The following RPH3A variants were observed in gnomAD, a reference collection of about 807,000 sequenced individuals.
RPH3A encodes rabphilin-3A.
RPH3A carries 48 observed loss-of-function variants against 102.2 expected under a neutral mutation model. The ratio of observed to expected loss-of-function variants is 0.47; its 90% confidence interval spans 0.37 to 0.60. The LOEUF is 0.60. RPH3A is among the 20% of genes least tolerant of loss of function. RPH3A has a pLI of 0.00. For missense variants in RPH3A, 781 were observed against 910.1 expected (o/e 0.86, Z 1.83); for synonymous variants, 310 against 324.3 (o/e 0.96, Z 0.47).
At chr12:112,687,193 C>T (rs2040271954) in intron 1 of RPH3A, among the ~76,000 whole-genome samples, 1 of 152,204 alleles carries the variant, frequency 6.6e-6, no homozygotes. Flanking sequence ...TTTAAGAAAT[C>T]TGCAGTTGCT....
At chr12:112,645,376 C>T (rs1472419044) in intron 1 of RPH3A, among the ~76,000 whole-genome samples, 2 of 152,136 alleles carry the variant, frequency 1.3e-5, no homozygotes, top group Non-Finnish European at 2.9e-5. Flanking sequence ...ATCTATGTGG[C>T]TTTTTCTAGA....
At chr12:112,589,495 G>A (rs1034079859) in intron 1 of RPH3A, among the ~76,000 whole-genome samples, 2 of 152,056 alleles carry the variant, frequency 1.3e-5, no homozygotes, top group Admixed American at 1.3e-4. Flanking sequence ...TGTTCCCTCA[G>A]CCTGGAATGC....
intron 1 of RPH3A, among the ~76,000 whole-genome samples, chr12:112,698,103 C>A (rs1566264695): frequency 6.6e-6 from 1 of 152,134 alleles, no homozygotes; most frequent in Admixed American, 6.5e-5. Flanking sequence ...GAGAAATAGA[C>A]CCGCACATAT....
chr12:112,871,648 G>T (rs2042710307), intron 10 of RPH3A, among the ~76,000 whole-genome samples: 1 of 151,282 alleles, frequency 6.6e-6, no homozygotes, highest in South Asian at 2.1e-4. Context: ...TCCAATAATG[G>T]AACACTGGGC....
At chr12:112,868,690 C>T in intron 8 of RPH3A, 95 bp downstream of exon 8, 1 of 1,380,696 alleles carries the variant, frequency 7.2e-7, no homozygotes, top group Non-Finnish European at 9.8e-7. Context: ...TGTGTTTCCA[C>T]CCAGTTGTTG....
intron 2 of RPH3A, among the ~76,000 whole-genome samples, chr12:112,828,081 G>A (rs530571111): frequency 6.6e-6 from 1 of 152,268 alleles, no homozygotes; most frequent in African/African-American, 2.4e-5. Context: ...AGGTGAGGGG[G>A]TTCTTCCCTC....
intron 1 of RPH3A, chr12:112,695,263 G>A (rs2040341574): frequency 6.0e-6 from 1 of 167,294 alleles, no homozygotes; most frequent in South Asian, 2.1e-4. Flanking sequence ...ATTGCTTCTG[G>A]TGTATATCCT....
intron 1 of RPH3A, among the ~76,000 whole-genome samples, chr12:112,672,811 C>T (rs2040143615): frequency 6.6e-6 from 1 of 152,140 alleles, no homozygotes; most frequent in African/African-American, 2.4e-5. Context: ...GTCTCGCTTC[C>T]GAAGAGACCT....
chr12:112,712,925 C>CTCTTCTTCTTCTTCTTCTTCT lies in RPH3A; in HGVS notation c.-139-79198_-139-79178dup, dbSNP rs529826755. On this transcript the variant is annotated intron_variant, in intron 1 of 21. Coordinates refer to the RPH3A transcript ENST00000543106. ...CTTCCTCTTCTTCTTCTTCTTCTTC[C>CTCTTCTTCTTCTTCTTCTTCT]TCTTCTTCTTCTTCTTCTTCTTCTT... 3.2e-3 allele frequency among the ~76,000 whole-genome samples: 301 copies of CTCTTCTTCTTCTTCTTCTTCT among 94,486 alleles called. 19 individuals are homozygous for CTCTTCTTCTTCTTCTTCTTCT. Among genetic ancestry groups the CTCTTCTTCTTCTTCTTCTTCT allele is most frequent in the Middle Eastern group, 0.014 (3 of 220 alleles). The allele number at this position is 94,486 out of a possible 152,430, so 62.0% of individuals were successfully genotyped here.
chr12:112,664,848 G>A (rs112843730), intron 1 of RPH3A, among the ~76,000 whole-genome samples: 13 of 151,102 alleles, frequency 8.6e-5, no homozygotes, highest in South Asian at 4.2e-4. Flanking sequence ...ATGTTTTTCT[G>A]TTTCAGAGAT....
intron 1 of RPH3A, among the ~76,000 whole-genome samples, chr12:112,609,593 G>T (rs1396693880): frequency 6.6e-6 from 1 of 152,098 alleles, no homozygotes; most frequent in Non-Finnish European, 1.5e-5. Context: ...ACATCTCTGT[G>T]CTTCCCCTCC....
intron 1 of RPH3A, among the ~76,000 whole-genome samples, chr12:112,773,265 AT>A (rs1295681010): frequency 3.9e-5 from 6 of 152,174 alleles, no homozygotes; most frequent in Non-Finnish European, 8.8e-5. Context: ...GAGAAAATGG[AT>A]AACCCCATCC....
intron 19 of RPH3A, chr12:112,893,355 C>T (rs915714278): frequency 4.6e-5 from 7 of 152,154 alleles, no homozygotes; most frequent in African/African-American, 1.4e-4. Context: ...ATGAAATGTT[C>T]GCCCTCTTTA....
intron 17 of RPH3A, among the ~76,000 whole-genome samples, chr12:112,889,622 G>C (rs1365907013): frequency 2.5e-4 from 38 of 152,202 alleles, no homozygotes; most frequent in Admixed American, 2.5e-3. Flanking sequence ...CAGGGGCCAT[G>C]AAGGCAAAAG....
intron 3 of RPH3A, among the ~76,000 whole-genome samples, chr12:112,830,629 A>G (rs1307632797): frequency 6.6e-6 from 1 of 151,982 alleles, no homozygotes; most frequent in Admixed American, 6.6e-5. Flanking sequence ...GGATCTGTCA[A>G]TTTCCCCTTG....
At chr12:112,773,251 G>A (rs1485778407) in intron 1 of RPH3A, among the ~76,000 whole-genome samples, 1 of 152,068 alleles carries the variant, frequency 6.6e-6, no homozygotes, top group African/African-American at 2.4e-5. Flanking sequence ...AATTTAAATG[G>A]GAGGAGAAAA....
chr12:112,790,062 CTT>C (rs74928491), upstream of RPH3A, among the ~76,000 whole-genome samples: 1 of 145,626 alleles, frequency 6.9e-6, no homozygotes, highest in Non-Finnish European at 1.5e-5. Flanking sequence ...CTGTCTTTTT[CTT>C]TTTTTTTTTG....
At chr12:112,764,407 A>C (rs112904604) in intron 1 of RPH3A, among the ~76,000 whole-genome samples, 3 of 152,272 alleles carry the variant, frequency 2.0e-5, no homozygotes, top group African/African-American at 7.2e-5. Context: ...CAGGTGTCAA[A>C]CCTCAGAGGG....
intron 15 of RPH3A, among the ~76,000 whole-genome samples, chr12:112,882,961 G>A (rs988382402): frequency 2.0e-5 from 3 of 152,154 alleles, no homozygotes; most frequent in Non-Finnish European, 2.9e-5. Context: ...TGCCTAAATG[G>A]GAATGGGTGA....
Sources: gnomAD v4.1 joint callset for allele counts (sites outside exome capture counted in the v4.1 genomes callset) on GRCh38, gnomAD v4.1.1 for gene constraint, MANE v1.5 for transcripts, NCBI Gene and HGNC (gene_info 2026-07-23, HGNC 2026-07-21) for gene names.